The following KAZN variants were observed in gnomAD, a reference collection of about 807,000 sequenced individuals.
KAZN encodes kazrin, periplakin interacting protein, also known as kazrin.
KAZN carries 40 observed loss-of-function variants against 87.4 expected under a neutral mutation model. The ratio of observed to expected loss-of-function variants is 0.46; its 90% CI spans 0.36 to 0.60. KAZN has a LOEUF of 0.60. KAZN is among the 20% of genes least tolerant of loss of function. The pLI, the probability that KAZN is intolerant of heterozygous loss-of-function variation, is 0.00. For synonymous variants in KAZN, 466 were observed against 458.3 expected (o/e 1.02, Z -0.22); for missense variants, 898 against 1,073.9 (o/e 0.84, Z 2.29).
intron 2 of KAZN, among the ~76,000 whole-genome samples, chr1:14,287,158 A>T (rs1435070235): frequency 6.6e-6 from 1 of 152,200 alleles, no homozygotes; most frequent in Non-Finnish European, 1.5e-5. Flanking sequence ...GACCTCCAGA[A>T]CTTTTAGAGA....
intron 2 of KAZN, among the ~76,000 whole-genome samples, chr1:14,483,673 A>G (rs1206004163): frequency 6.6e-6 from 1 of 152,162 alleles, no homozygotes; most frequent in Non-Finnish European, 1.5e-5. Context: ...CATCGGTTTT[A>G]TACATTTATA....
rs138030446 is a variant in KAZN, at chr1:14,469,883, C to T, written c.250-129100C>T. The stretch of plus-strand genomic sequence containing the variant: ...ACTTGCCAGGTTAGCTCTTCTTTAT[C>T]GGTATTCTGTGTTGGTTTTTGGCTT... On this transcript the variant is annotated intron_variant, in intron 2 of 16. Coordinates refer to the KAZN transcript ENST00000636203. Among the ~76,000 whole-genome samples, 940 of 152,096 alleles carry T rather than the reference C, an allele frequency of 6.2e-3. 13 individuals carry two copies. The highest frequency in any genetic ancestry group is 0.022 in the African/African-American group (892 of 41,388).
At chr1:14,894,392 T>C (rs1386062473) in intron 1 of KAZN, among the ~76,000 whole-genome samples, 1 of 152,262 alleles carries the variant, frequency 6.6e-6, no homozygotes, top group East Asian at 1.9e-4. Context: ...TGAATCACTT[T>C]GTGCCTCAGT....
intron 1 of KAZN, among the ~76,000 whole-genome samples, chr1:14,826,293 G>A (rs1011588825): frequency 1.3e-5 from 2 of 152,274 alleles, no homozygotes; most frequent in African/African-American, 4.8e-5. Flanking sequence ...GTCTGCGGAT[G>A]TTCGTAAAAG....
At chr1:14,481,325 C>T (rs1453545991) in intron 2 of KAZN, among the ~76,000 whole-genome samples, 2 of 152,082 alleles carry the variant, frequency 1.3e-5, no homozygotes, top group East Asian at 1.9e-4. Flanking sequence ...AAGCACTGGA[C>T]ATATAATAAG....
intron 1 of KAZN, among the ~76,000 whole-genome samples, chr1:14,111,700 C>T (rs115786443): frequency 0.013 from 1,759 of 131,618 alleles, 391 homozygotes; most frequent in African/African-American, 0.05. Flanking sequence ...TGTCTCTGGA[C>T]TCCACACCTG....
intron 1 of KAZN, among the ~76,000 whole-genome samples, chr1:14,877,969 G>T (rs2101087020): frequency 6.6e-6 from 1 of 152,260 alleles, no homozygotes; most frequent in East Asian, 1.9e-4. Flanking sequence ...AGCAAATGAT[G>T]ACTCAATGAT....
rs112667110 is a variant in KAZN, at chr1:14,695,510, C to CTTTTTTTTTTTTTTTTTTTTT, written c.226+96302_226+96303insTTTTTTTTTTTTTTTTTTTTT. On this transcript the variant is annotated intron_variant, in intron 1 of 14. Transcript: ENST00000376030. ...CCTCTTTCCCCAGACTACATTCCAT[C>CTTTTTTTTTTTTTTTTTTTTT]TTTTTTTTTTTTTTTGATGGAGTCT... 3.8e-3 allele frequency among the ~76,000 whole-genome samples: 320 copies of CTTTTTTTTTTTTTTTTTTTTT among 84,980 alleles called. 56 individuals are homozygous for CTTTTTTTTTTTTTTTTTTTTT. The highest frequency in any genetic ancestry group is 6.3e-3 in the South Asian group (13 of 2,072). The allele number at this position is 84,980 out of a possible 152,430, so 55.8% of individuals were successfully genotyped here.
intron 1 of KAZN, among the ~76,000 whole-genome samples, chr1:14,674,871 C>T (rs1466653884): frequency 6.6e-6 from 1 of 152,030 alleles, no homozygotes; most frequent in Non-Finnish European, 1.5e-5. Flanking sequence ...ACTGCAGCTG[C>T]GAACTCCTGG....
chr1:13,948,452 T>C (rs928990668), intron 1 of KAZN, among the ~76,000 whole-genome samples: 8 of 152,334 alleles, frequency 5.3e-5, no homozygotes, highest in Admixed American at 2.6e-4. Flanking sequence ...TCTGCCATGA[T>C]TGTCAGTTTC....
At chr1:14,672,380 G>T (rs1639967061) in intron 1 of KAZN, among the ~76,000 whole-genome samples, 1 of 152,194 alleles carries the variant, frequency 6.6e-6, no homozygotes. Context: ...ACAGGTTGTT[G>T]TTGCATCTGG....
At chr1:14,262,722 C>G (rs1004091034) in intron 2 of KAZN, among the ~76,000 whole-genome samples, 1 of 152,216 alleles carries the variant, frequency 6.6e-6, no homozygotes, top group South Asian at 2.1e-4. Context: ...GTAAGAAATA[C>G]AGGCTTTTCT....
Position 15,094,147 on chromosome 1 carries a change from TC to T in KAZN, c.1223-28del. On this transcript the variant is annotated intron_variant, in intron 8 of 14. Coordinates refer to ENST00000376030, the MANE Select transcript of KAZN (RefSeq NM_201628.3). This position sits in a 1 kb window ranked among gnomAD's most constrained non-coding sequence, Gnocchi z 4.5. ...CCAGCCCCTGCCCCCAGCAGCCTCGTCCCCCAGCATGGCCTGCACTTGTGTG... is the reference window on the plus strand; with the variant it reads ...CCAGCCCCTGCCCCCAGCAGCCTCGTCCCCAGCATGGCCTGCACTTGTGTG... 1 of 1,599,784 alleles carries T rather than the reference TC, an allele frequency of 6.3e-7. No individual in the cohort carries two copies. Among genetic ancestry groups the T allele is most frequent in the Non-Finnish European group, 8.5e-7 (1 of 1,172,018 alleles).
chr1:14,374,754 G>A (rs894128498), intron 2 of KAZN, among the ~76,000 whole-genome samples: 8 of 152,114 alleles, frequency 5.3e-5, no homozygotes, highest in Admixed American at 2.6e-4. Context: ...TGTAGTTTAA[G>A]CCAATTGACA....
chr1:15,037,856 A>T (rs1460763623), intron 3 of KAZN, among the ~76,000 whole-genome samples: 1 of 152,070 alleles, frequency 6.6e-6, no homozygotes, highest in Non-Finnish European at 1.5e-5. Context: ...GAACCCAGAC[A>T]AGTCCTTCTG....
intron 2 of KAZN, among the ~76,000 whole-genome samples, chr1:14,510,148 G>T (rs1468703901): frequency 6.6e-6 from 1 of 152,192 alleles, no homozygotes; most frequent in Non-Finnish European, 1.5e-5. Context: ...GGAGGCCGAG[G>T]TGGGTGGATC....
intron 2 of KAZN, among the ~76,000 whole-genome samples, chr1:14,482,212 C>G (rs1241028682): frequency 6.6e-6 from 1 of 152,216 alleles, no homozygotes; most frequent in Non-Finnish European, 1.5e-5. Context: ...GATACCCCAA[C>G]CTACCCAACC....
chr1:14,020,028 C>G (rs1640752702), intron 1 of KAZN, among the ~76,000 whole-genome samples: 1 of 151,900 alleles, frequency 6.6e-6, no homozygotes, highest in Non-Finnish European at 1.5e-5. Flanking sequence ...ACTAGATGGT[C>G]CCATCTGGGG....
chr1:14,660,541 CTTTT>C (rs1156503750), intron 1 of KAZN, among the ~76,000 whole-genome samples: 1 of 76,034 alleles, frequency 1.3e-5, no homozygotes, highest in African/African-American at 5.4e-5. Flanking sequence ...CTCTCTCTCT[CTTTT>C]TTTTTTTTTT....
Sources: gnomAD v4.1 joint callset for allele counts (sites outside exome capture counted in the v4.1 genomes callset) on GRCh38, gnomAD v4.1.1 for gene constraint, Gnocchi (gnomAD v3.1) non-coding constraint, MANE v1.5 for transcripts, NCBI Gene and HGNC (gene_info 2026-07-23, HGNC 2026-07-21) for gene names.